CACNB2: variants seen among roughly 807,000 people sequenced by gnomAD.
The protein encoded by CACNB2 is calcium voltage-gated channel auxiliary subunit beta 2.
A neutral mutation model predicts 73.3 loss-of-function variants in CACNB2; 42 were observed. The ratio of observed to expected loss-of-function variants is 0.57; its 90% CI spans 0.45 to 0.74. The LOEUF (loss-of-function observed/expected upper bound fraction) is 0.74. CACNB2 is among the 30% of genes least tolerant of loss of function. CACNB2 has a pLI of 0.00. For missense variants in CACNB2, 940 were observed against 853.0 expected (o/e 1.10, Z -1.27); for synonymous variants, 348 against 310.3 (o/e 1.12, Z -1.28).
intron 3 of CACNB2, among the ~76,000 whole-genome samples, chr10:18,497,223 AAG>A (rs2049891002): frequency 6.6e-6 from 1 of 150,766 alleles, no homozygotes; most frequent in African/African-American, 2.4e-5. Flanking sequence ...AAAAAAAAAA[AAG>A]AAAAGAAGAA....
chr10:18,299,356 AGT>A (rs903872683), intron 2 of CACNB2, among the ~76,000 whole-genome samples: 16 of 152,002 alleles, frequency 1.1e-4, no homozygotes, highest in African/African-American at 3.9e-4. Flanking sequence ...GGCCTGGGAA[AGT>A]GTGAGTTTTC....
chr10:18,150,867 T>TTTTTTTTTTTTTTA lies in CACNB2; in HGVS notation c.121-15_121-2dup. 1 of 1,114,282 alleles carries TTTTTTTTTTTTTTA rather than the reference T, an allele frequency of 9.0e-7. No homozygotes were observed. Among genetic ancestry groups the TTTTTTTTTTTTTTA allele is most frequent in the South Asian group, 1.7e-5 (1 of 60,236 alleles). 69.0% of individuals were successfully genotyped at this position (1,114,282 alleles called of 1,614,324 possible). ...TAATCTTATTTGTCTTTTTTTTTTTTTTTTTTTTTTTTTAGTCATATGGAA... is the reference window on the plus strand; with the variant it reads ...TAATCTTATTTGTCTTTTTTTTTTTTTTTTTTTTTTTTTATTTTTTTTTTTTTAGTCATATGGAA... On this transcript the variant is annotated splice_polypyrimidine_tract_variant and intron_variant, in intron 1 of 13. Coordinates refer to ENST00000324631, the MANE Select transcript of CACNB2 (RefSeq NM_201596.3).
At chr10:18,159,973 TAA>T (rs1469696848) in intron 2 of CACNB2, among the ~76,000 whole-genome samples, 3 of 152,240 alleles carry the variant, frequency 2.0e-5, no homozygotes, top group Non-Finnish European at 4.4e-5. Flanking sequence ...GAACTCATCT[TAA>T]AGATATCAGT....
At chr10:18,242,457 T>A (rs1343697941) in intron 2 of CACNB2, among the ~76,000 whole-genome samples, 1 of 152,132 alleles carries the variant, frequency 6.6e-6, no homozygotes, top group Non-Finnish European at 1.5e-5. Context: ...TTTGATGTAA[T>A]AAAAATATTC....
chr10:18,214,922 G>T (rs2035454088), intron 2 of CACNB2, among the ~76,000 whole-genome samples: 1 of 152,156 alleles, frequency 6.6e-6, no homozygotes, highest in Non-Finnish European at 1.5e-5. Context: ...TTTTTGCCCA[G>T]TTTGTCATAG....
chr10:18,347,295 A>G (rs1019576140), intron 2 of CACNB2, among the ~76,000 whole-genome samples: 2 of 150,646 alleles, frequency 1.3e-5, no homozygotes, highest in Non-Finnish European at 2.9e-5. Flanking sequence ...CTCCTGCCTC[A>G]GCCTCCTGAG....
intron 3 of CACNB2, among the ~76,000 whole-genome samples, chr10:18,474,703 G>T (rs901848217): frequency 6.6e-6 from 1 of 151,998 alleles, no homozygotes; most frequent in Non-Finnish European, 1.5e-5. Context: ...TTGCAGCACC[G>T]AAAGGAAAAC....
intron 2 of CACNB2, among the ~76,000 whole-genome samples, chr10:18,396,830 G>A (rs1234851826): frequency 6.6e-6 from 1 of 152,134 alleles, no homozygotes; most frequent in Non-Finnish European, 1.5e-5. Context: ...TTTGCCATTG[G>A]GTCAGCATCG....
chr10:18,169,225 G>T (rs2033071070), intron 2 of CACNB2, among the ~76,000 whole-genome samples: 1 of 152,066 alleles, frequency 6.6e-6, no homozygotes, highest in South Asian at 2.1e-4. Flanking sequence ...ATTTAAAGAT[G>T]ATCAGAAGTC....
intron 8 of CACNB2, among the ~76,000 whole-genome samples, 167 bp from the exon 9 acceptor site, chr10:18,518,743 T>G (rs901347954): frequency 2.0e-5 from 3 of 152,232 alleles, no homozygotes; most frequent in South Asian, 4.1e-4. Flanking sequence ...AGTTTAATTG[T>G]CATTGCATCA....
intron 3 of CACNB2, among the ~76,000 whole-genome samples, chr10:18,418,927 T>C (rs1231998801): frequency 6.6e-6 from 1 of 152,238 alleles, no homozygotes; most frequent in Non-Finnish European, 1.5e-5. Flanking sequence ...AACTATCCCT[T>C]TGTCTTCTTA....
At chr10:18,377,507 G>T (rs1025633821) in intron 2 of CACNB2, among the ~76,000 whole-genome samples, 1 of 152,238 alleles carries the variant, frequency 6.6e-6, no homozygotes, top group Non-Finnish European at 1.5e-5. Flanking sequence ...ACAAGACTAA[G>T]TGTGGCCATG....
At chr10:18,490,708 T>G (rs771971859) in intron 3 of CACNB2, among the ~76,000 whole-genome samples, 1 of 152,130 alleles carries the variant, frequency 6.6e-6, no homozygotes, top group African/African-American at 2.4e-5. Context: ...TCAATAGAAT[T>G]CCGCAACAGC....
chr10:18,330,170 A>G (rs779598260), intron 2 of CACNB2, among the ~76,000 whole-genome samples: 2 of 152,214 alleles, frequency 1.3e-5, no homozygotes, highest in Non-Finnish European at 2.9e-5. Context: ...TCAGATATTT[A>G]TAAAGATAAC....
intron 2 of CACNB2, among the ~76,000 whole-genome samples, chr10:18,333,139 T>C (rs1388434109): frequency 3.3e-5 from 5 of 152,160 alleles, no homozygotes; most frequent in South Asian, 2.1e-4. Flanking sequence ...CATTCAGCGA[T>C]AGGGATGGGG....
intron 2 of CACNB2, among the ~76,000 whole-genome samples, chr10:18,377,608 A>G (rs2042852797): frequency 6.6e-6 from 1 of 152,238 alleles, no homozygotes; most frequent in Non-Finnish European, 1.5e-5. Context: ...ATTGATTTCA[A>G]CTACTTAAAA....
intron 2 of CACNB2, among the ~76,000 whole-genome samples, chr10:18,305,327 G>C (rs1284361151): frequency 6.6e-6 from 1 of 152,186 alleles, no homozygotes; most frequent in Non-Finnish European, 1.5e-5. Flanking sequence ...CAGAGGAAAA[G>C]TAAACTGAAG....
At chr10:18,464,971 T>G (rs373822294) in intron 3 of CACNB2, among the ~76,000 whole-genome samples, 9 of 152,344 alleles carry the variant, frequency 5.9e-5, no homozygotes, top group African/African-American at 2.2e-4. Flanking sequence ...ACAGGTGACT[T>G]CGTCTTGGGA....
intron 2 of CACNB2, among the ~76,000 whole-genome samples, chr10:18,207,029 G>C (rs1022225560): frequency 3.3e-5 from 5 of 152,092 alleles, no homozygotes; most frequent in Admixed American, 1.3e-4. Flanking sequence ...TTTATTTAGA[G>C]ACAGAGTCTC....
Sources: gnomAD v4.1 joint callset for allele counts (sites outside exome capture counted in the v4.1 genomes callset) on GRCh38, gnomAD v4.1.1 for gene constraint, MANE v1.5 for transcripts, NCBI Gene and HGNC (gene_info 2026-07-23, HGNC 2026-07-21) for gene names.